Variants in MTG1 observed in about 807,000 individuals in gnomAD.
MTG1 encodes mitochondrial ribosome associated GTPase 1, also known as mitochondrial ribosome-associated GTPase 1.
MTG1 carries 30 observed loss-of-function variants against 39.5 expected under a neutral mutation model. The ratio of observed to expected loss-of-function variants is 0.76; its 90% CI spans 0.57 to 1.03. The LOEUF is 1.03. Ranked by LOEUF, MTG1 falls within the 50% of genes least tolerant of loss-of-function variation. The pLI, the probability that MTG1 is intolerant of heterozygous loss-of-function variation, is 0.00. For synonymous variants in MTG1, 217 were observed against 179.0 expected (o/e 1.21, Z -1.69); for missense variants, 513 against 447.4 (o/e 1.15, Z -1.32).
chr10:133,397,097 T>C (rs1035229119), intron 3 of MTG1, among the ~76,000 whole-genome samples: 11 of 152,260 alleles, frequency 7.2e-5, no homozygotes. Context: ...GATGCTGTGC[T>C]TCAGTGGTCA....
At chr10:133,418,450 G>T (rs1379635510) in intron 9 of MTG1, among the ~76,000 whole-genome samples, 1 of 150,976 alleles carries the variant, frequency 6.6e-6, no homozygotes, top group Non-Finnish European at 1.5e-5. Context: ...CAGGTCTCGG[G>T]GGTGGTCCGG....
At chr10:133,401,396 C>A in intron 6 of MTG1, 133 bp from the exon 7 acceptor site, 1 of 674,394 alleles carries the variant, frequency 1.5e-6, no homozygotes, top group Non-Finnish European at 2.4e-6. Flanking sequence ...CCCTGCTTGG[C>A]TGGTAAGTTG....
At chr10:133,396,957 C>T (rs1305030602) in intron 3 of MTG1, among the ~76,000 whole-genome samples, 1 of 152,206 alleles carries the variant, frequency 6.6e-6, no homozygotes, top group African/African-American at 2.4e-5. Flanking sequence ...CGCTACTTAG[C>T]AGACCGGGAA....
Position 133,421,903 on chromosome 10 carries a change from C to CGGGGGGGG in MTG1, c.*1744_*1745insGGGGGGGG, listed in dbSNP as rs1221647231. The CGGGGGGGG allele has an allele frequency of 7.4e-6, 1 of 134,356 alleles. No individual in the cohort carries two copies. The highest frequency in any genetic ancestry group is 2.4e-4 in the East Asian group (1 of 4,232). 8.3% of individuals were successfully genotyped at this position (134,356 alleles called of 1,614,324 possible). A position where few individuals can be genotyped will look rare whatever the true frequency, so the allele number is the denominator to read the frequency against. On this transcript the variant is annotated 3_prime_UTR_variant, in exon 11 of 11. Coordinates refer to ENST00000317502, the MANE Select transcript of MTG1 (RefSeq NM_138384.4). ...AGAGGGTGAGATCCCAAGGCCACGG[C>CGGGGGGGG]GGGGGGCAGGGAGAACCCCTCCTAC...
In MTG1 at chr10:133,402,744, G is replaced by A. The variant is rs753303952; in HGVS notation, c.723G>A (p.Leu241=). 5.6e-6 allele frequency: 9 copies of A among 1,608,028 alleles called. No individual in the cohort carries two copies. In the South Asian group the frequency reaches 6.7e-5, roughly 12 times the overall value. ...VGEETMADYL[L]YTLNKHQRFG... The stretch of plus-strand genomic sequence containing the variant: ...AGGAGACCATGGCTGACTACCTGCT[G>A]TACACCCTCAACAAACACCAGCGCT... Residue 241 remains leucine (L), a synonymous_variant, in exon 9 of 11, where the codon CTG becomes CTA. Transcript: ENST00000317502. The surrounding 1 kb of genome is among the most constrained non-coding windows in gnomAD (Gnocchi z 4.7).
At chr10:133,405,759 CA>C (rs1849960443) in intron 9 of MTG1, among the ~76,000 whole-genome samples, 1 of 152,188 alleles carries the variant, frequency 6.6e-6, no homozygotes, top group Admixed American at 6.5e-5. Flanking sequence ...AGGTAGATTG[CA>C]TATCTTGGCT....
In MTG1 at chr10:133,419,510, C is replaced by G. The variant is rs936653784; in HGVS notation, c.783C>G (p.Ala261=). 5 of 1,607,402 alleles carry G rather than the reference C, an allele frequency of 3.1e-6. No individual in the cohort carries two copies. ...GYVQHYGLGS[A]CDNVERVLKS... is the part of the protein sequence containing the mutation. The stretch of plus-strand genomic sequence containing the variant: ...TGCAGCACTACGGCCTGGGCAGTGC[C>G]TGTGACAACGTAGAGCGCGTGCTGA... Residue 261 remains alanine (A), a synonymous_variant, in exon 10 of 11, where the codon GCC becomes GCG. Transcript: ENST00000317502.
intron 9 of MTG1, among the ~76,000 whole-genome samples, chr10:133,410,648 C>T (rs951860258): frequency 3.3e-5 from 5 of 152,340 alleles, no homozygotes; most frequent in Admixed American, 6.5e-5. Flanking sequence ...TGCTCTGTGA[C>T]TGTACCCTAG....
At chr10:133,408,562 A>G (rs1019920269) in intron 9 of MTG1, among the ~76,000 whole-genome samples, 2 of 152,150 alleles carry the variant, frequency 1.3e-5, no homozygotes, top group African/African-American at 4.8e-5. Flanking sequence ...GGATAATGCC[A>G]TATACAGTGA....
chr10:133,409,829 C>T (rs1219873403), intron 9 of MTG1, among the ~76,000 whole-genome samples: 4 of 150,220 alleles, frequency 2.7e-5, no homozygotes, highest in Non-Finnish European at 5.9e-5. Flanking sequence ...GTAAGTATTG[C>T]TGCTCCTGCT....
Position 133,402,318 on chromosome 10 carries a change from G to C in MTG1, c.670+73G>C, listed in dbSNP as rs578141203. On this transcript the variant is annotated intron_variant, in intron 8 of 10. Coordinates refer to ENST00000317502, the MANE Select transcript of MTG1 (RefSeq NM_138384.4). The surrounding 1 kb of genome is among the most constrained non-coding windows in gnomAD (Gnocchi z 4.7). ...CCACCCCACCTTTAGGGCTGGCTTT[G>C]GCACAGGGCCCCTAGACGGGAGTTG... 9.6e-6 allele frequency: 15 copies of C among 1,567,522 alleles called. No individual in the cohort carries two copies. In the Admixed American group the frequency reaches 2.5e-4, roughly 26 times the overall value.
Position 133,399,224 on chromosome 10 carries a change from G to T in MTG1, c.418G>T (p.Glu140Ter). The T allele has an allele frequency of 6.2e-7, 1 of 1,614,148 alleles. No individual in the cohort carries two copies. Among genetic ancestry groups the T allele is most frequent in the African/African-American group, 1.3e-5 (1 of 75,062 alleles). Residue 140 changes from glutamate (E) to a stop codon, truncating the protein, a stop_gained and splice_region_variant, in exon 5 of 11, where the codon GAG (glutamate) becomes TAG (stop). Transcript: ENST00000317502. LOFTEE classifies it high-confidence loss of function. Reference protein sequence around the residue: ...IGRSHRYHRKENLEYCIMVIG... With the variant: ...IGRSHRYHRK ...GAGAAGCCACCGCTACCACCGAAAA[G>T]AGGTTGGTTGGTGGGGCCCAGAGCT... is the stretch of plus-strand genomic sequence containing the variant.
chr10:133,396,377 G>A, intron 3 of MTG1, 110 bp downstream of exon 3: 1 of 963,640 alleles, frequency 1.0e-6, no homozygotes, highest in Non-Finnish European at 1.6e-6. Flanking sequence ...GCCCAGGCAG[G>A]CTCTGCTTTA....
intron 9 of MTG1, among the ~76,000 whole-genome samples, chr10:133,417,424 C>T (rs1249180602): frequency 1.3e-5 from 2 of 149,500 alleles, no homozygotes; most frequent in Non-Finnish European, 3.0e-5. Flanking sequence ...CAATATCATA[C>T]TGAATGGGCA....
rs534377920 is a variant in MTG1 at position 133,416,396 on chromosome 10, T to C, written c.753-3084T>C. Among the ~76,000 whole-genome samples, 139 of 150,438 alleles carry C rather than the reference T, an allele frequency of 9.2e-4. 1 individual carries two copies. The highest frequency in any genetic ancestry group is 3.1e-3 in the African/African-American group (128 of 41,250). Reference sequence around the variant, plus strand: ...GATATATATATATATATATTTTTCTTTTTATTTTATTTTATTATTATTATA... The same window carrying C: ...GATATATATATATATATATTTTTCTCTTTATTTTATTTTATTATTATTATA... On this transcript the variant is annotated intron_variant, in intron 9 of 10. Coordinates refer to ENST00000317502, the MANE Select transcript of MTG1 (RefSeq NM_138384.4).
At chr10:133,412,163 G>A (rs557163951) in intron 9 of MTG1, among the ~76,000 whole-genome samples, 3 of 151,864 alleles carry the variant, frequency 2.0e-5, no homozygotes, top group Middle Eastern at 3.4e-3. Context: ...TTTGAGTTCT[G>A]GAATATTGCT....
chr10:133,415,914 G>A (rs1470596415), intron 9 of MTG1, among the ~76,000 whole-genome samples: 1 of 149,730 alleles, frequency 6.7e-6, no homozygotes, highest in African/African-American at 2.4e-5. Context: ...GTGGGCCTCA[G>A]GCACACAGGT....
rs544420747 is a variant in MTG1, at chr10:133,394,997, C to T, written c.112+665C>T. On this transcript the variant is annotated intron_variant, in intron 1 of 10. Transcript: ENST00000317502. ...GGAAGAAAGCTGGAAGCTTTGTTAT[C>T]TTGGTTGTGTGTGGTATTCCTGGTT... 7.9e-5 allele frequency among the ~76,000 whole-genome samples: 12 copies of T among 152,274 alleles called. 1 individual carries two copies. Among genetic ancestry groups the T allele is most frequent in the African/African-American group, 2.9e-4 (12 of 41,542 alleles).
At chr10:133,410,094 G>A (rs1476111306) in intron 9 of MTG1, among the ~76,000 whole-genome samples, 2 of 152,122 alleles carry the variant, frequency 1.3e-5, no homozygotes, top group African/African-American at 4.8e-5. Flanking sequence ...TGCCCAGGCT[G>A]GTGTGCAGTG....
Sources: gnomAD v4.1 joint callset for allele counts (sites outside exome capture counted in the v4.1 genomes callset) on GRCh38, gnomAD v4.1.1 for gene constraint, Gnocchi (gnomAD v3.1) non-coding constraint, MANE v1.5 for transcripts, NCBI Gene and HGNC (gene_info 2026-07-23, HGNC 2026-07-21) for gene names.